Variants in FGD6 observed in about 807,000 individuals in gnomAD.
The protein encoded by FGD6 is FYVE, RhoGEF and PH domain containing 6.
In FGD6, 90 loss-of-function variants were observed where a neutral mutation model predicts 149.4. That is an observed-to-expected ratio of 0.60 (90% CI 0.51 to 0.72). FGD6 has a LOEUF of 0.72. Among genes scored for constraint, FGD6 ranks in the 30% least tolerant of loss-of-function variants. FGD6 has a pLI of 0.00. For missense variants in FGD6, 1,437 were observed against 1,684.8 expected (o/e 0.85, Z 2.57); for synonymous variants, 527 against 584.0 (o/e 0.90, Z 1.41).
At chr12:95,188,012 G>C (rs1358498730) in intron 2 of FGD6, among the ~76,000 whole-genome samples, 1 of 152,072 alleles carries the variant, frequency 6.6e-6, no homozygotes, top group East Asian at 1.9e-4. Flanking sequence ...TGAAAAGCTG[G>C]CTTTGTCCCT....
intron 8 of FGD6, among the ~76,000 whole-genome samples, chr12:95,119,185 G>A (rs1046778753): frequency 6.6e-6 from 1 of 152,154 alleles, no homozygotes; most frequent in African/African-American, 2.4e-5. Context: ...TGGGACTTTG[G>A]CCATGCCCCA....
At chr12:95,134,034 T>A (rs1020684021) in intron 8 of FGD6, among the ~76,000 whole-genome samples, 1 of 152,200 alleles carries the variant, frequency 6.6e-6, no homozygotes, top group South Asian at 2.1e-4. Context: ...TAGTAGAAGA[T>A]AGACTATTAT....
chr12:95,154,629 A>C (rs1473954786), intron 3 of FGD6, among the ~76,000 whole-genome samples: 1 of 152,212 alleles, frequency 6.6e-6, no homozygotes, highest in African/African-American at 2.4e-5. Context: ...TTCTTTGAAG[A>C]AACGTCAGAC....
chr12:95,112,855 A>G (rs1008647997), intron 9 of FGD6, among the ~76,000 whole-genome samples: 1 of 152,180 alleles, frequency 6.6e-6, no homozygotes, highest in East Asian at 1.9e-4. Flanking sequence ...CTAATATCCT[A>G]TTGTTAGACA....
At chr12:95,112,624 A>G (rs1247854576) in intron 9 of FGD6, among the ~76,000 whole-genome samples, 1 of 152,128 alleles carries the variant, frequency 6.6e-6, no homozygotes, top group African/African-American at 2.4e-5. Flanking sequence ...CAAGGGGTAT[A>G]CCTGTGACAT....
chr12:95,118,511 G>A (rs192436860), intron 8 of FGD6, among the ~76,000 whole-genome samples: 3 of 152,202 alleles, frequency 2.0e-5, no homozygotes, highest in Admixed American at 1.3e-4. Flanking sequence ...GAAACTAGTC[G>A]GAAGTCCTGT....
At chr12:95,121,775 C>A (rs1879198707) in intron 8 of FGD6, among the ~76,000 whole-genome samples, 1 of 152,056 alleles carries the variant, frequency 6.6e-6, no homozygotes, top group Non-Finnish European at 1.5e-5. Context: ...CCTGCCTCAG[C>A]CTCCCCAGTA....
intron 9 of FGD6, 85 bp from the exon 10 acceptor site, chr12:95,108,646 G>A (rs1054982722): frequency 6.7e-7 from 1 of 1,487,254 alleles, no homozygotes; most frequent in Admixed American, 1.8e-5. Flanking sequence ...CAGGGGACAA[G>A]ATAGCTAGTT....
At chr12:95,115,180 A>G (rs1405675474) in intron 8 of FGD6, among the ~76,000 whole-genome samples, 1 of 149,128 alleles carries the variant, frequency 6.7e-6, no homozygotes, top group East Asian at 2.0e-4. Context: ...TTTCTCTCAC[A>G]TAGCACTTAG....
rs140691188 is a variant in FGD6 at position 95,189,893 on chromosome 12, T to C, written c.2442-17149A>G. Among the ~76,000 whole-genome samples, 941 of 152,318 alleles carry C rather than the reference T, an allele frequency of 6.2e-3. 15 individuals carry two copies. The highest frequency in any genetic ancestry group is 0.021 in the African/African-American group (890 of 41,578). On this transcript the variant is annotated intron_variant, in intron 2 of 20. Transcript: ENST00000343958. ...ACAAAATGGATTTCCTTAATAGTAA[T>C]AGAAAACTTTCACCTTTCAGATCTT...
Position 95,089,613 on chromosome 12 carries a change from G to C in FGD6, c.3934C>G (p.Pro1312Ala). 2 of 1,613,796 alleles carry C rather than the reference G, an allele frequency of 1.2e-6. No homozygotes were observed. The highest frequency in any genetic ancestry group is 1.7e-6 in the Non-Finnish European group (2 of 1,179,832). Residue 1312 changes from proline (P) to alanine (A), a missense_variant, in exon 18 of 21, where the codon CCA becomes GCA. Physicochemically the swap from Pro to Ala is conservative, Grantham distance 27. This residue lies in a region of FGD6 where 382 missense variants were observed against 538.7 expected (regional missense o/e 0.71). Coordinates refer to ENST00000343958, the MANE Select transcript of FGD6 (RefSeq NM_018351.4). ...SALSSVLHSI[P>A]SGRKQKKIPA... ...ATTTTTTTCTGTTTCCTCCCTGATG[G>C]AATGCTATGTAAGACTGATGATAAG...
chr12:95,100,511 C>T (rs891271005), intron 14 of FGD6: 21 of 356,534 alleles, frequency 5.9e-5, no homozygotes, highest in Non-Finnish European at 9.8e-5. Flanking sequence ...CACCATGTCA[C>T]TACTGCTGCC....
intron 3 of FGD6, among the ~76,000 whole-genome samples, chr12:95,153,399 C>T (rs568318127): frequency 4.3e-4 from 65 of 152,306 alleles, no homozygotes; most frequent in African/African-American, 1.4e-3. Context: ...CAGTGGCTCA[C>T]GCCTGTAATC....
At chr12:95,117,056 C>A in intron 8 of FGD6, 1 of 305,090 alleles carries the variant, frequency 3.3e-6, no homozygotes. Flanking sequence ...TTACCTATCA[C>A]TTAGGACCTG....
chr12:95,107,412 C>T, intron 12 of FGD6, 151 bp downstream of exon 12: 1 of 634,368 alleles, frequency 1.6e-6, no homozygotes. Context: ...ATTTCCCATA[C>T]TTGAAATGCA....
At chr12:95,193,456 C>A (rs1881647644) in intron 2 of FGD6, among the ~76,000 whole-genome samples, 1 of 151,278 alleles carries the variant, frequency 6.6e-6, no homozygotes, top group African/African-American at 2.4e-5. Flanking sequence ...CTCCTGGGTT[C>A]AAGCAATTCT....
At position 95,208,899 on chromosome 12, in the gene FGD6, C is replaced by G; in HGVS notation, c.2385G>C (p.Glu795Asp). ...DADANVYEVEEPYEAPDGQLQ... is the reference protein window; with the variant it reads ...DADANVYEVEDPYEAPDGQLQ... ...GCTGGCCATCTGGAGCTTCATACGG[C>G]TCTTCTACCTCATACACATTTGCAT... Residue 795 changes from glutamate (E) to aspartate (D), a missense_variant, in exon 2 of 21, where the codon GAG (glutamate) becomes GAC (aspartate). Glu to Asp is a conservative substitution (Grantham distance 45, BLOSUM62 2). Coordinates refer to ENST00000343958, the MANE Select transcript of FGD6 (RefSeq NM_018351.4). 6.2e-7 allele frequency: 1 copy of G among 1,614,050 alleles called. No homozygotes were observed.
At chr12:95,114,565 C>T (rs1185958077) in intron 8 of FGD6, among the ~76,000 whole-genome samples, 1 of 150,818 alleles carries the variant, frequency 6.6e-6, no homozygotes, top group African/African-American at 2.4e-5. Context: ...CCCCAAATAT[C>T]AATAGGTCTG....
At chr12:95,083,420 A>G (rs935758709) in intron 20 of FGD6, among the ~76,000 whole-genome samples, 1 of 152,184 alleles carries the variant, frequency 6.6e-6, no homozygotes, top group African/African-American at 2.4e-5. Context: ...AAAAGATGAC[A>G]TATATTGAAA....
Sources: allele counts gnomAD v4.1 joint callset (sites outside exome capture counted in the v4.1 genomes callset), GRCh38; gene constraint gnomAD v4.1.1; regional missense constraint gnomAD v4.1.1; transcripts MANE v1.5; gene names NCBI Gene and HGNC (gene_info 2026-07-23, HGNC 2026-07-21).